The following CSRNP3 variants were observed in gnomAD, a reference collection of about 807,000 sequenced individuals.
CSRNP3 encodes cysteine and serine rich nuclear protein 3.
Under a neutral mutation model 48.0 loss-of-function variants are expected in CSRNP3, and 12 were observed. The observed-to-expected ratio is 0.25, with a 90% confidence interval of 0.16 to 0.41. The LOEUF (loss-of-function observed/expected upper bound fraction) is 0.41. Ranked by LOEUF, CSRNP3 falls within the 10% of genes least tolerant of loss-of-function variation. The probability of loss-of-function intolerance (pLI) is 1.00; values close to 1 mark genes in which losing one functional copy is unlikely to be tolerated. For missense variants in CSRNP3, 580 were observed against 724.4 expected (o/e 0.80, Z 2.29); for synonymous variants, 263 against 269.7 (o/e 0.98, Z 0.24).
intron 3 of CSRNP3, among the ~76,000 whole-genome samples, chr2:165,522,838 C>T (rs1684681281): frequency 6.6e-6 from 1 of 152,032 alleles, no homozygotes; most frequent in Admixed American, 6.5e-5. Context: ...AGCCATGAAC[C>T]CGAGCTATAG....
At position 165,521,173 on chromosome 2, in the gene CSRNP3, C is replaced by CAAAAAA. The variant is rs1348766008; in HGVS notation, c.-24+3218_-24+3223dup. ...CTTGTGTTGTCTGTTATGGGAAAGC[C>CAAAAAA]AAAAAAAAAAAGAAAAAGAAAATTA... On this transcript the variant is annotated intron_variant, in intron 3 of 6. Transcript: ENST00000651982. Among the ~76,000 whole-genome samples the CAAAAAA allele has an allele frequency of 1.1e-4, 15 of 135,662 alleles. 1 individual carries two copies. The highest frequency in any genetic ancestry group is 3.7e-3 in the Middle Eastern group (1 of 268). 89.0% of individuals were successfully genotyped at this position (135,662 alleles called of 152,430 possible).
intron 4 of CSRNP3, among the ~76,000 whole-genome samples, chr2:165,609,795 G>A (rs1686105342): frequency 6.6e-6 from 1 of 152,148 alleles, no homozygotes; most frequent in Admixed American, 6.5e-5. Context: ...TTGGAAGAGT[G>A]GGAGAGAAGC....
At chr2:165,533,938 C>G (rs1034010077) in intron 3 of CSRNP3, among the ~76,000 whole-genome samples, 1 of 151,886 alleles carries the variant, frequency 6.6e-6, no homozygotes, top group Non-Finnish European at 1.5e-5. Flanking sequence ...TTCAACATAT[C>G]TGTTACAGAA....
chr2:165,579,013 A>G (rs1685497718), intron 3 of CSRNP3, among the ~76,000 whole-genome samples: 2 of 152,192 alleles, frequency 1.3e-5, no homozygotes, highest in African/African-American at 2.4e-5. Flanking sequence ...GACATGATAC[A>G]TACCTGGCAC....
At chr2:165,580,833 T>C (rs1269647356) in intron 3 of CSRNP3, among the ~76,000 whole-genome samples, 2 of 150,860 alleles carry the variant, frequency 1.3e-5, no homozygotes, top group Non-Finnish European at 3.0e-5. Context: ...ATAATAATAA[T>C]TTTTAATTCT....
At chr2:165,562,383 T>C (rs1267710177) in intron 3 of CSRNP3, among the ~76,000 whole-genome samples, 1 of 152,188 alleles carries the variant, frequency 6.6e-6, no homozygotes, top group African/African-American at 2.4e-5. Context: ...TTAACAAGGC[T>C]GAAAATGTGT....
chr2:165,626,220 C>A (rs1421560178), intron 4 of CSRNP3, among the ~76,000 whole-genome samples: 1 of 149,166 alleles, frequency 6.7e-6, no homozygotes, highest in Non-Finnish European at 1.5e-5. Flanking sequence ...GAAACTCCTT[C>A]TCAGAAAAAA....
At chr2:165,475,020 A>T (rs1426520260) in intron 1 of CSRNP3, among the ~76,000 whole-genome samples, 1 of 152,152 alleles carries the variant, frequency 6.6e-6, no homozygotes. Context: ...AGTTTCCTAA[A>T]CAGGAGCCCT....
At chr2:165,578,263 C>G (rs1685484810) in intron 3 of CSRNP3, among the ~76,000 whole-genome samples, 1 of 151,996 alleles carries the variant, frequency 6.6e-6, no homozygotes, top group Non-Finnish European at 1.5e-5. Context: ...AGAATTTTTG[C>G]TTGCTCAATT....
At chr2:165,492,774 G>C (rs1368189969) in intron 1 of CSRNP3, among the ~76,000 whole-genome samples, 1 of 146,796 alleles carries the variant, frequency 6.8e-6, no homozygotes, top group African/African-American at 2.5e-5. Flanking sequence ...TGTCGATGTT[G>C]CTTCTTTGTC....
intron 4 of CSRNP3, among the ~76,000 whole-genome samples, chr2:165,629,087 ACACTACAAAT>A (rs995709762): frequency 5.9e-5 from 9 of 152,222 alleles, no homozygotes; most frequent in Non-Finnish European, 8.8e-5. Context: ...AAATTGATAA[ACACTACAAAT>A]CAGGGTAAGA....
At chr2:165,580,119 AG>A (rs1334409036) in intron 3 of CSRNP3, among the ~76,000 whole-genome samples, 1 of 151,720 alleles carries the variant, frequency 6.6e-6, no homozygotes, top group African/African-American at 2.4e-5. Flanking sequence ...TAGTAGAGAC[AG>A]GGTTTCACCA....
chr2:165,667,549 T>G (rs1687255819), intron 5 of CSRNP3, among the ~76,000 whole-genome samples: 2 of 152,194 alleles, frequency 1.3e-5, no homozygotes, highest in Non-Finnish European at 2.9e-5. Flanking sequence ...GCTGTTTCAT[T>G]GCCTCAAAAC....
chr2:165,472,508 TATC>T (rs1408132152), intron 1 of CSRNP3, among the ~76,000 whole-genome samples: 2 of 152,016 alleles, frequency 1.3e-5, no homozygotes, highest in Non-Finnish European at 1.5e-5. Flanking sequence ...AAATCACAAT[TATC>T]ATCATATTCT....
At chr2:165,673,357 C>T (rs1411408808) in intron 5 of CSRNP3, among the ~76,000 whole-genome samples, 1 of 151,640 alleles carries the variant, frequency 6.6e-6, no homozygotes, top group African/African-American at 2.4e-5. Context: ...AGGCTGGTCT[C>T]GAACTCCTGA....
At chr2:165,599,169 G>A (rs146160963) in intron 4 of CSRNP3, among the ~76,000 whole-genome samples, 2,811 of 151,740 alleles carry the variant, frequency 0.019, 84 homozygotes, top group African/African-American at 0.065. Context: ...AGGCTGCAGT[G>A]AGCCATGATT....
At chr2:165,564,601 C>T (rs532366119) in intron 3 of CSRNP3, among the ~76,000 whole-genome samples, 6 of 151,926 alleles carry the variant, frequency 3.9e-5, no homozygotes, top group Non-Finnish European at 7.4e-5. Flanking sequence ...TTATATTTCT[C>T]CCTAGTCTTT....
intron 2 of CSRNP3, among the ~76,000 whole-genome samples, chr2:165,497,923 T>C (rs942199416): frequency 1.3e-5 from 2 of 152,102 alleles, no homozygotes; most frequent in African/African-American, 4.8e-5. Flanking sequence ...ATAAATAGAA[T>C]GAATCTATCT....
chr2:165,587,291 C>G (rs1685648090), intron 3 of CSRNP3, among the ~76,000 whole-genome samples: 1 of 152,078 alleles, frequency 6.6e-6, no homozygotes, highest in Non-Finnish European at 1.5e-5. Flanking sequence ...AGGGAAATCC[C>G]TGAGAATGTG....
Sources: allele counts gnomAD v4.1 joint callset (sites outside exome capture counted in the v4.1 genomes callset), GRCh38; gene constraint gnomAD v4.1.1; transcripts MANE v1.5; gene names NCBI Gene and HGNC (gene_info 2026-07-23, HGNC 2026-07-21).